Variants in ZBTB20 observed in about 807,000 individuals in gnomAD.
ZBTB20 encodes zinc finger and BTB domain containing 20.
Under a neutral mutation model 56.9 loss-of-function variants are expected in ZBTB20, and 9 were observed. The observed-to-expected ratio is 0.16, with a 90% CI of 0.10 to 0.28. The LOEUF is 0.28. Ranked by LOEUF, ZBTB20 falls within the 10% of genes least tolerant of loss-of-function variation. ZBTB20 has a pLI of 1.00. For synonymous variants in ZBTB20, 417 were observed against 420.7 expected (o/e 0.99, Z 0.11); for missense variants, 655 against 1,003.0 (o/e 0.65, Z 4.69).
chr3:115,088,987 A>G (rs768343459), intron 1 of ZBTB20, among the ~76,000 whole-genome samples: 53 of 152,002 alleles, frequency 3.5e-4, no homozygotes, highest in Non-Finnish European at 5.7e-4. Flanking sequence ...TGATTTCCCT[A>G]GAGGATTATG....
chr3:115,050,348 T>C (rs2081497800), intron 2 of ZBTB20, among the ~76,000 whole-genome samples: 1 of 151,926 alleles, frequency 6.6e-6, no homozygotes, highest in South Asian at 2.1e-4. Context: ...TATTTGTCTC[T>C]CATATCTAAA....
chr3:114,996,046 T>C (rs2079013163), intron 2 of ZBTB20, among the ~76,000 whole-genome samples: 1 of 151,746 alleles, frequency 6.6e-6, no homozygotes, highest in Non-Finnish European at 1.5e-5. Flanking sequence ...TCCACAATAA[T>C]AACATGAGCT....
At chr3:114,797,510 C>T (rs932508189) in intron 5 of ZBTB20, among the ~76,000 whole-genome samples, 6 of 151,898 alleles carry the variant, frequency 4.0e-5, no homozygotes, top group African/African-American at 1.4e-4. Flanking sequence ...ACTTCCTCTG[C>T]TATTCCATAT....
chr3:115,048,429 A>C (rs2081417426), intron 2 of ZBTB20, among the ~76,000 whole-genome samples: 1 of 152,186 alleles, frequency 6.6e-6, no homozygotes, highest in Non-Finnish European at 1.5e-5. Context: ...CTGCCTATTT[A>C]ATGTAGTTTA....
At chr3:114,897,803 T>C (rs1006920484) in intron 4 of ZBTB20, among the ~76,000 whole-genome samples, 13 of 152,104 alleles carry the variant, frequency 8.5e-5, no homozygotes, top group African/African-American at 2.7e-4. Context: ...TAAAAGTACA[T>C]GTGTCATAAA....
chr3:114,397,656 G>A (rs2086452704), intron 7 of ZBTB20, among the ~76,000 whole-genome samples: 1 of 150,984 alleles, frequency 6.6e-6, no homozygotes. Context: ...GTTTCATACT[G>A]GAACTTCAAG....
intron 8 of ZBTB20, among the ~76,000 whole-genome samples, chr3:114,386,681 A>T (rs929306195): frequency 6.6e-6 from 1 of 152,168 alleles, no homozygotes; most frequent in South Asian, 2.1e-4. Flanking sequence ...GGGAAGCCCA[A>T]GGACAAGAGA....
rs971169443 is a variant in ZBTB20, at chr3:114,843,886, C to T, written c.-416-42712G>A. On this transcript the variant is annotated intron_variant, in intron 4 of 11. Transcript: ENST00000675478. ...ATTTTGAGTAGAGACAAGGTTTCAC[C>T]GTGTTAGCCAGGCTGGTCTTGAACT... Among the ~76,000 whole-genome samples, 106 of 151,536 alleles carry T rather than the reference C, an allele frequency of 7.0e-4. 1 individual carries two copies. The highest frequency in any genetic ancestry group is 2.5e-3 in the African/African-American group (102 of 41,296).
intron 4 of ZBTB20, among the ~76,000 whole-genome samples, chr3:114,816,343 C>G (rs1246867342): frequency 1.3e-5 from 2 of 152,030 alleles, no homozygotes; most frequent in Non-Finnish European, 2.9e-5. Flanking sequence ...ACACAGGAAG[C>G]TCAGAATTAG....
chr3:114,561,080 T>C lies in ZBTB20; in HGVS notation c.-294-60689A>G, dbSNP rs79695460. On this transcript the variant is annotated intron_variant, in intron 6 of 11. Coordinates refer to ENST00000675478, the MANE Select transcript of ZBTB20 (RefSeq NM_001348800.3). Reference sequence around the variant, plus strand: ...TGCTCACCCATAAGAAACTACTCTTTACCTGTTCAAGTTTGATAATGAAAG... The same window carrying C: ...TGCTCACCCATAAGAAACTACTCTTCACCTGTTCAAGTTTGATAATGAAAG... Among the ~76,000 whole-genome samples the C allele has an allele frequency of 7.6e-4, 116 of 152,376 alleles. 1 individual carries two copies. The East Asian group carries it at 0.015, about 20-fold the overall frequency.
chr3:114,828,932 C>T (rs1364724860), intron 4 of ZBTB20, among the ~76,000 whole-genome samples: 4 of 151,802 alleles, frequency 2.6e-5, no homozygotes, highest in African/African-American at 9.7e-5. Flanking sequence ...TATGAATCTG[C>T]ATAAAGATGT....
At chr3:114,617,817 T>C (rs1577984159) in intron 6 of ZBTB20, among the ~76,000 whole-genome samples, 1 of 152,116 alleles carries the variant, frequency 6.6e-6, no homozygotes, top group African/African-American at 2.4e-5. Context: ...TGCTTAGATA[T>C]CCACAAAACT....
At chr3:114,436,645 A>G (rs2090537330) in intron 7 of ZBTB20, among the ~76,000 whole-genome samples, 1 of 152,216 alleles carries the variant, frequency 6.6e-6, no homozygotes, top group African/African-American at 2.4e-5. Context: ...TTTTCGTAAG[A>G]GAGACCCTTT....
intron 6 of ZBTB20, among the ~76,000 whole-genome samples, chr3:114,690,704 T>C (rs1158127681): frequency 6.6e-6 from 1 of 152,186 alleles, no homozygotes; most frequent in Non-Finnish European, 1.5e-5. Context: ...TTTTATTATA[T>C]AATTCCCCCT....
At chr3:114,740,818 T>C (rs1430064700) in intron 5 of ZBTB20, among the ~76,000 whole-genome samples, 1 of 152,234 alleles carries the variant, frequency 6.6e-6, no homozygotes, top group Non-Finnish European at 1.5e-5. Context: ...TCTGCTTTAT[T>C]AATATCTGAA....
At chr3:114,364,715 G>C (rs889120456) in intron 10 of ZBTB20, among the ~76,000 whole-genome samples, 3 of 152,168 alleles carry the variant, frequency 2.0e-5, no homozygotes, top group African/African-American at 7.2e-5. Flanking sequence ...AATATGCTCA[G>C]AGTGTATGGA....
At chr3:114,696,882 G>A (rs1326747836) in intron 5 of ZBTB20, among the ~76,000 whole-genome samples, 1 of 151,930 alleles carries the variant, frequency 6.6e-6, no homozygotes, top group Non-Finnish European at 1.5e-5. Flanking sequence ...TGAAACCAAA[G>A]GTGTTCCAGG....
intron 3 of ZBTB20, chr3:114,931,336 TA>T (rs947051361): frequency 1.4e-5 from 3 of 220,920 alleles, no homozygotes; most frequent in Non-Finnish European, 1.8e-5. Context: ...TCGGTGCTGC[TA>T]AAACCCCAAT....
intron 7 of ZBTB20, among the ~76,000 whole-genome samples, chr3:114,457,699 T>A (rs2092103373): frequency 6.6e-6 from 1 of 152,150 alleles, no homozygotes; most frequent in Non-Finnish European, 1.5e-5. Flanking sequence ...TACTTTAGCA[T>A]CACAAGAATC....
Sources: gnomAD v4.1 joint callset for allele counts (sites outside exome capture counted in the v4.1 genomes callset) on GRCh38, gnomAD v4.1.1 for gene constraint, MANE v1.5 for transcripts, NCBI Gene and HGNC (gene_info 2026-07-23, HGNC 2026-07-21) for gene names.